The following AGMO variants were observed in gnomAD, a reference collection of about 807,000 sequenced individuals.
AGMO encodes the protein glyceryl-ether monooxygenase.
A neutral mutation model predicts 60.2 loss-of-function variants in AGMO; 75 were observed. The ratio of observed to expected loss-of-function variants is 1.25; its 90% CI spans 1.03 to 1.51. The LOEUF (loss-of-function observed/expected upper bound fraction) is 1.51, where lower values mean the gene tolerates loss of function less well. Ranked by LOEUF, AGMO falls within the 40% of genes most tolerant of loss-of-function variation. The pLI, the probability that AGMO is intolerant of heterozygous loss-of-function variation, is 0.00. For synonymous variants in AGMO, 261 were observed against 177.1 expected, an observed-to-expected ratio of 1.47 and a Z score of -3.76; for missense variants, 763 against 525.5, an observed-to-expected ratio of 1.45 and a Z score of -4.42.
intron 12 of AGMO, among the ~76,000 whole-genome samples, chr7:15,291,714 C>T (rs759317476): frequency 1.3e-4 from 20 of 152,094 alleles, no homozygotes; most frequent in Non-Finnish European, 1.8e-4. Flanking sequence ...ACAGGATTCA[C>T]GGCCTAGCAC....
the AGMO span, among the ~76,000 whole-genome samples, chr7:15,168,530 G>C: frequency 3.3e-5 from 5 of 152,154 alleles, no homozygotes; most frequent in East Asian, 7.7e-4. Context: ...GGCTGACCTT[G>C]AATTCAAGAG....
Position 15,231,304 on chromosome 7 carries a change from C to G in AGMO, c.1264-29945G>C, listed in dbSNP as rs532992920. Among the ~76,000 whole-genome samples the G allele has an allele frequency of 7.9e-5, 12 of 152,228 alleles. No individual in the cohort carries two copies. In the South Asian group the frequency reaches 1.2e-3, roughly 16 times the overall value. ...CTTTTTGTCCTTTTTGTTTGACAAT[C>G]AAAACTTATGAATACGATAGTTTGA... On this transcript the variant is annotated intron_variant, in intron 12 of 12. Coordinates refer to ENST00000342526, the MANE Select transcript of AGMO (RefSeq NM_001004320.2).
intron 1 of AGMO, among the ~76,000 whole-genome samples, chr7:15,560,521 C>T (rs555297300): frequency 4.6e-5 from 7 of 151,974 alleles, no homozygotes; most frequent in African/African-American, 1.4e-4. Context: ...GATATAACCA[C>T]GATAATTATA....
intron 3 of AGMO, among the ~76,000 whole-genome samples, chr7:15,468,549 T>A (rs1782353975): frequency 6.6e-6 from 1 of 152,086 alleles, no homozygotes; most frequent in South Asian, 2.1e-4. Flanking sequence ...GTATATATGC[T>A]TATACACACA....
chr7:15,161,116 C>T, the AGMO span, among the ~76,000 whole-genome samples: 1 of 152,152 alleles, frequency 6.6e-6, no homozygotes, highest in African/African-American at 2.4e-5. Flanking sequence ...ATAGCCTAAT[C>T]ACCTCTCATT....
intron 12 of AGMO, among the ~76,000 whole-genome samples, chr7:15,320,573 T>A (rs1781078084): frequency 6.6e-6 from 1 of 152,070 alleles, no homozygotes; most frequent in African/African-American, 2.4e-5. Context: ...TGGGGAATAA[T>A]AAAAAGGAGT....
At chr7:15,292,001 C>G (rs904745788) in intron 12 of AGMO, among the ~76,000 whole-genome samples, 2 of 151,774 alleles carry the variant, frequency 1.3e-5, no homozygotes, top group African/African-American at 4.8e-5. Context: ...CTCAAGTAAG[C>G]CAATAAAAGA....
chr7:15,171,643 G>A, the AGMO span, among the ~76,000 whole-genome samples: 1 of 152,088 alleles, frequency 6.6e-6, no homozygotes, highest in African/African-American at 2.4e-5. Flanking sequence ...ACAATTTACT[G>A]TATCTTTCCA....
In AGMO at chr7:15,390,671, C is replaced by T. The variant is rs1583496057; in HGVS notation, c.822G>A (p.Gln274=). The T allele has an allele frequency of 4.4e-6, 7 of 1,583,658 alleles. No homozygotes were observed. Among genetic ancestry groups the T allele is most frequent in the Non-Finnish European group, 5.2e-6 (6 of 1,160,670 alleles). The change falls in exon 8 of 13, where the codon CAG becomes CAA. Residue 274 remains glutamine, a splice_region_variant and synonymous_variant. Transcript: ENST00000342526. The stretch of plus-strand genomic sequence containing the variant: ...AAAGAATAAAAAACAAGTATGTTAC[C>T]TGCACTTTGATTGGTTCAAATGTAT... The part of the protein sequence containing the change: ...PINTFEPIKV[Q]FHHLFSIWTT...
chr7:15,125,048 G>A, the AGMO span, among the ~76,000 whole-genome samples: 8 of 150,460 alleles, frequency 5.3e-5, no homozygotes, highest in Non-Finnish European at 1.2e-4. Flanking sequence ...TTTTTGGAAT[G>A]GGATGCCTTC....
intron 12 of AGMO, among the ~76,000 whole-genome samples, chr7:15,236,161 C>T (rs1782414098): frequency 6.6e-6 from 1 of 152,052 alleles, no homozygotes; most frequent in Admixed American, 6.6e-5. Context: ...GATTTAAAGA[C>T]ATTGCAATGA....
At chr7:15,185,669 A>ACAGC in the AGMO span, among the ~76,000 whole-genome samples, 1 of 139,534 alleles carries the variant, frequency 7.2e-6, no homozygotes, top group African/African-American at 2.8e-5. Flanking sequence ...AAACTTAATC[A>ACAGC]TAGCCTTAGA....
At chr7:15,398,072 C>A (rs1784459221) in intron 5 of AGMO, among the ~76,000 whole-genome samples, 1 of 152,138 alleles carries the variant, frequency 6.6e-6, no homozygotes, top group Non-Finnish European at 1.5e-5. Flanking sequence ...AGGAGAAAAC[C>A]AGTTTACCCT....
intron 3 of AGMO, among the ~76,000 whole-genome samples, chr7:15,493,334 AACACACACACACACAC>A (rs144549105): frequency 4.3e-5 from 3 of 70,368 alleles, no homozygotes; most frequent in Non-Finnish European, 7.6e-5. Flanking sequence ...AAACACACAA[AACACACACACACACAC>A]ACACACACAC....
chr7:15,460,913 TTA>T (rs1782126012), intron 3 of AGMO, among the ~76,000 whole-genome samples: 1 of 152,162 alleles, frequency 6.6e-6, no homozygotes, highest in African/African-American at 2.4e-5. Context: ...ATTATGATAG[TTA>T]TATGATTCCT....
intron 2 of AGMO, among the ~76,000 whole-genome samples, chr7:15,552,925 T>C (rs1001123391): frequency 1.3e-4 from 19 of 151,354 alleles, no homozygotes; most frequent in Non-Finnish European, 3.0e-5. Context: ...CCAACCCAAA[T>C]GTCCAACAAT....
chr7:15,209,295 A>AT (rs1781518871), intron 12 of AGMO, among the ~76,000 whole-genome samples: 1 of 152,220 alleles, frequency 6.6e-6, no homozygotes, highest in Non-Finnish European at 1.5e-5. Context: ...GCAGAATAGC[A>AT]TGCAATACTG....
chr7:15,318,010 A>T (rs1169879758), intron 12 of AGMO, among the ~76,000 whole-genome samples: 9 of 137,888 alleles, frequency 6.5e-5, no homozygotes, highest in African/African-American at 1.6e-4. Context: ...ATATACATAT[A>T]TTTTTTTTTT....
chr7:15,526,942 A>G (rs576873924), intron 3 of AGMO, among the ~76,000 whole-genome samples: 1 of 152,234 alleles, frequency 6.6e-6, no homozygotes, highest in East Asian at 1.9e-4. Flanking sequence ...GGGTCTCTCT[A>G]TGTTGCCATT....
Sources: allele counts gnomAD v4.1 joint callset (sites outside exome capture counted in the v4.1 genomes callset), GRCh38; gene constraint gnomAD v4.1.1; transcripts MANE v1.5; gene names NCBI Gene and HGNC (gene_info 2026-07-23, HGNC 2026-07-21).